The following KIZ variants were observed in gnomAD, a reference collection of about 807,000 sequenced individuals.
KIZ encodes centrosomal protein kizuna.
A neutral mutation model predicts 79.6 loss-of-function variants in KIZ; 68 were observed. That is an observed-to-expected ratio of 0.85 (90% CI 0.70 to 1.05). The LOEUF is 1.05. Ranked by LOEUF, KIZ falls within the 50% of genes least tolerant of loss-of-function variation. KIZ has a pLI of 0.00. For synonymous variants in KIZ, 280 were observed against 281.8 expected (o/e 0.99, Z 0.06); for missense variants, 797 against 800.4 (o/e 1.00, Z 0.05).
In KIZ at chr20:21,232,826, T is replaced by G; in HGVS notation, c.1876T>G (p.Ser626Ala). 1.4e-6 allele frequency: 2 copies of G among 1,481,240 alleles called. No individual in the cohort carries two copies. Among genetic ancestry groups the G allele is most frequent in the South Asian group, 2.4e-5 (2 of 84,530 alleles). 91.8% of individuals were successfully genotyped at this position (1,481,240 alleles called of 1,614,324 possible). The change falls in exon 11 of 13, where the codon TCA (serine) becomes GCA (alanine). Residue 626 changes from serine to alanine, a missense_variant. Transcript: ENST00000619189. Reference protein sequence around the residue: ...SFSSSEGSPLSRHENKKKPVI... With the variant: ...SFSSSEGSPLARHENKKKPVI... ...TTCATCTAGTGAAGGAAGTCCTTTGTCAAGGTAAAGTTGTGAAAGCCTTTC... is the reference window on the plus strand; with the variant it reads ...TTCATCTAGTGAAGGAAGTCCTTTGGCAAGGTAAAGTTGTGAAAGCCTTTC...
intron 3 of KIZ, chr20:21,139,046 A>AGCGT (rs1568910675): frequency 6.7e-6 from 1 of 149,214 alleles, no homozygotes; most frequent in Non-Finnish European, 1.5e-5. Context: ...GATGAGAGCA[A>AGCGT]GCGTGTTCAG....
intron 6 of KIZ, chr20:21,166,129 G>T: frequency 3.5e-6 from 3 of 858,210 alleles, no homozygotes; most frequent in Non-Finnish European, 5.4e-6. Flanking sequence ...GCCATGCTTG[G>T]CTAATTTTTG....
At chr20:21,169,642 C>T (rs113928087) in intron 6 of KIZ, among the ~76,000 whole-genome samples, 2,398 of 152,176 alleles carry the variant, frequency 0.016, 62 homozygotes, top group African/African-American at 0.054. Flanking sequence ...ATGTTTGTTG[C>T]GGCACTATTC....
intron 10 of KIZ, among the ~76,000 whole-genome samples, chr20:21,230,502 T>C (rs529786257): frequency 1.1e-4 from 16 of 152,208 alleles, no homozygotes; most frequent in Non-Finnish European, 1.9e-4. Context: ...TTCAGACAGA[T>C]ATTTTCAAGG....
intron 4 of KIZ, among the ~76,000 whole-genome samples, chr20:21,153,823 T>C (rs995297760): frequency 2.0e-5 from 3 of 152,066 alleles, no homozygotes; most frequent in African/African-American, 7.2e-5. Context: ...CTCTTCCTCT[T>C]ATAAGGACAC....
intron 1 of KIZ, among the ~76,000 whole-genome samples, chr20:21,129,170 G>T (rs577181653): frequency 1.2e-3 from 184 of 152,338 alleles, no homozygotes; most frequent in African/African-American, 4.3e-3. Context: ...GTGCTGCAGT[G>T]TGGATGAGGG....
chr20:21,207,894 G>C (rs1006919593), intron 7 of KIZ, among the ~76,000 whole-genome samples: 22 of 152,068 alleles, frequency 1.4e-4, no homozygotes, highest in Middle Eastern at 3.4e-3. Context: ...TGTATTTTTA[G>C]TAGAGACAGG....
chr20:21,222,839 C>G (rs557534506), intron 9 of KIZ, among the ~76,000 whole-genome samples: 29 of 152,274 alleles, frequency 1.9e-4, no homozygotes, highest in African/African-American at 6.7e-4. Context: ...ATCTAGGGAA[C>G]CTTAACTAAT....
At chr20:21,204,270 T>C (rs912708053) in intron 6 of KIZ, among the ~76,000 whole-genome samples, 3 of 150,284 alleles carry the variant, frequency 2.0e-5, no homozygotes, top group Non-Finnish European at 4.5e-5. Context: ...CGCCCGCCAC[T>C]ACGCCCGGCT....
rs184585166 is a variant in KIZ at position 21,166,396 on chromosome 20, T to C, written c.1352+3237T>C. 2.5e-6 allele frequency: 4 copies of C among 1,599,480 alleles called. No homozygotes were observed. The East Asian group carries it at 8.9e-5, about 36-fold the overall frequency. ...CTGATCACTCCACACTTGTTTAGCCTGCCTGTGAGGTTCACAACAATTTCC... is the reference window on the plus strand; with the variant it reads ...CTGATCACTCCACACTTGTTTAGCCCGCCTGTGAGGTTCACAACAATTTCC... On this transcript the variant is annotated intron_variant, in intron 6 of 12. Coordinates refer to ENST00000619189, the MANE Select transcript of KIZ (RefSeq NM_018474.6).
At chr20:21,185,552 G>A (rs1186121702) in intron 6 of KIZ, among the ~76,000 whole-genome samples, 1 of 151,114 alleles carries the variant, frequency 6.6e-6, no homozygotes, top group East Asian at 1.9e-4. Flanking sequence ...TGGGATTACA[G>A]GCAGCCACCA....
At chr20:21,162,772 A>G in intron 5 of KIZ, 78 bp from the exon 6 acceptor site, 1 of 1,149,142 alleles carries the variant, frequency 8.7e-7, no homozygotes, top group South Asian at 1.6e-5. Flanking sequence ...TTTTTAACTG[A>G]TGAGTAATTC....
chr20:21,169,629 C>G (rs529054259), intron 6 of KIZ, among the ~76,000 whole-genome samples: 5 of 152,092 alleles, frequency 3.3e-5, no homozygotes, highest in Admixed American at 3.3e-4. Flanking sequence ...CACATGCAGA[C>G]GTATGTTTGT....
At chr20:21,211,702 C>T (rs1484448904) in intron 7 of KIZ, among the ~76,000 whole-genome samples, 1 of 152,222 alleles carries the variant, frequency 6.6e-6, no homozygotes, top group African/African-American at 2.4e-5. Flanking sequence ...CTGCAAACTC[C>T]TTCAGATTGG....
chr20:21,201,199 CA>C (rs2035584357), intron 6 of KIZ, among the ~76,000 whole-genome samples: 3 of 152,006 alleles, frequency 2.0e-5, no homozygotes, highest in African/African-American at 7.2e-5. Flanking sequence ...AACAAAAAGT[CA>C]TATGCAAAGT....
At chr20:21,150,142 A>G (rs976073385) in intron 4 of KIZ, among the ~76,000 whole-genome samples, 5 of 152,234 alleles carry the variant, frequency 3.3e-5, no homozygotes, top group Non-Finnish European at 7.3e-5. Flanking sequence ...TGTCACTACC[A>G]GAGTGCCACG....
chr20:21,241,741 G>A (rs145639861), intron 11 of KIZ, among the ~76,000 whole-genome samples: 8 of 152,302 alleles, frequency 5.3e-5, no homozygotes, highest in East Asian at 1.9e-4. Flanking sequence ...GGTCACCTCC[G>A]TGGTGGGACT....
chr20:21,186,156 A>G (rs1003827235), intron 6 of KIZ, among the ~76,000 whole-genome samples: 1 of 152,162 alleles, frequency 6.6e-6, no homozygotes, highest in Non-Finnish European at 1.5e-5. Flanking sequence ...TTATGTGATA[A>G]ATGGAATATA....
chr20:21,198,361 C>T (rs114911798), intron 6 of KIZ: 3,234 of 152,402 alleles, frequency 0.021, 100 homozygotes, highest in African/African-American at 0.069. Flanking sequence ...CGTGCCAGGC[C>T]GCAATCCTCT....
Sources: allele counts gnomAD v4.1 joint callset (sites outside exome capture counted in the v4.1 genomes callset), GRCh38; gene constraint gnomAD v4.1.1; transcripts MANE v1.5; gene names NCBI Gene and HGNC (gene_info 2026-07-23, HGNC 2026-07-21).